The following PCBP2 variants were observed in gnomAD, a reference collection of about 807,000 sequenced individuals.
PCBP2 encodes poly(rC)-binding protein 2.
In PCBP2, 4 loss-of-function variants were observed where a neutral mutation model predicts 50.1. That is an observed-to-expected ratio of 0.08 (90% CI 0.04 to 0.18). The LOEUF is 0.18. Among genes scored for constraint, PCBP2 ranks in the 10% least tolerant of loss-of-function variants. PCBP2 has a pLI of 1.00. For synonymous variants in PCBP2, 179 were observed against 168.0 expected (o/e 1.07, Z -0.51); for missense variants, 161 against 474.3 (o/e 0.34, Z 6.14).
chr12:53,468,644 C>G, intron 12 of PCBP2, 133 bp from the exon 13 acceptor site: 1 of 722,840 alleles, frequency 1.4e-6, no homozygotes, highest in Non-Finnish European at 2.5e-6. Context: ...TTGGAGGCTT[C>G]CAAGTTAGTG....
At chr12:53,466,437 G>T (rs147681315) in intron 10 of PCBP2, among the ~76,000 whole-genome samples, 1 of 152,204 alleles carries the variant, frequency 6.6e-6, no homozygotes, top group Non-Finnish European at 1.5e-5. Context: ...GTTACACAGA[G>T]AGGGATAGGA....
intron 8 of PCBP2, 174 bp from the exon 9 acceptor site, chr12:53,464,586 A>T: frequency 2.4e-6 from 2 of 816,922 alleles, no homozygotes; most frequent in Non-Finnish European, 3.7e-6. Flanking sequence ...GAAATCTGCC[A>T]CTAGGTAACT....
intron 13 of PCBP2, among the ~76,000 whole-genome samples, chr12:53,469,573 G>C (rs1405197997): frequency 6.6e-6 from 1 of 151,734 alleles, no homozygotes; most frequent in Non-Finnish European, 1.5e-5. Context: ...TACAAAAAAA[G>C]CAAAAAGCCT....
At position 53,480,702 on chromosome 12, in the gene PCBP2, TGA is replaced by T. The variant is rs1942993649; in HGVS notation, c.*1262_*1263del. 1 of 152,304 alleles carries T rather than the reference TGA, an allele frequency of 6.6e-6. No homozygotes were observed. Among genetic ancestry groups the T allele is most frequent in the African/African-American group, 2.4e-5 (1 of 41,306 alleles). 9.4% of individuals were successfully genotyped at this position (152,304 alleles called of 1,614,324 possible). A position where few individuals can be genotyped will look rare whatever the true frequency, so the allele number is the denominator to read the frequency against. ...GAAGATAAATGGTGGGACAAAAAAA[TGA>T]GTTACATTGCCACCTGAGAAACCTC... On this transcript the variant is annotated 3_prime_UTR_variant, in exon 15 of 15. Transcript: ENST00000546463.
intron 4 of PCBP2, among the ~76,000 whole-genome samples, 166 bp downstream of exon 4, chr12:53,455,659 C>G (rs1262287687): frequency 2.7e-5 from 4 of 150,856 alleles, no homozygotes; most frequent in Admixed American, 6.6e-5. Flanking sequence ...TTTTTTTTCC[C>G]CTTTTTGGGA....
At chr12:53,455,827 C>T (rs555572560) in intron 4 of PCBP2, 58 bp from the exon 5 acceptor site, 3 of 1,139,082 alleles carry the variant, frequency 2.6e-6, no homozygotes, top group South Asian at 1.2e-5. Context: ...ACTGTAGATC[C>T]TGTACATACT....
At chr12:53,468,133 G>A (rs1207014746) in intron 12 of PCBP2, 2 of 331,704 alleles carry the variant, frequency 6.0e-6, no homozygotes, top group South Asian at 1.1e-4. Context: ...ACGGGTATTT[G>A]CTGATGGGAT....
At chr12:53,475,623 A>G (rs1763153935) in intron 14 of PCBP2, 1 of 166,126 alleles carries the variant, frequency 6.0e-6, no homozygotes. Flanking sequence ...TTGTGTTTCT[A>G]GCTGTAATAA....
chr12:53,475,404 G>A, intron 14 of PCBP2: 1 of 332,982 alleles, frequency 3.0e-6, no homozygotes, highest in South Asian at 2.3e-5. Context: ...CTGAGTGCCT[G>A]TTTCAGGGTC....
intron 7 of PCBP2, among the ~76,000 whole-genome samples, chr12:53,461,946 C>T (rs578161608): frequency 2.6e-4 from 40 of 152,174 alleles, no homozygotes; most frequent in African/African-American, 9.2e-4. Context: ...TGAGCTCAAG[C>T]CATCCACCCG....
chr12:53,455,617 G>T (rs184580478), intron 4 of PCBP2, 124 bp downstream of exon 4: 1 of 997,524 alleles, frequency 1.0e-6, no homozygotes, highest in Non-Finnish European at 1.5e-6. Context: ...TTTCGGCTTG[G>T]TTATTTGTAG....
chr12:53,457,118 C>T (rs915975264), intron 5 of PCBP2, among the ~76,000 whole-genome samples: 6 of 151,940 alleles, frequency 3.9e-5, no homozygotes, highest in African/African-American at 7.3e-5. Flanking sequence ...AGTGATATAC[C>T]TGTAGCTCTC....
intron 6 of PCBP2, 85 bp from the exon 7 acceptor site, chr12:53,460,930 G>A: frequency 6.9e-7 from 1 of 1,458,236 alleles, no homozygotes; most frequent in Non-Finnish European, 9.5e-7. Context: ...ATCTACTAGA[G>A]TTTTAGGCTC....
chr12:53,464,270 C>G (rs1262486643), intron 8 of PCBP2, among the ~76,000 whole-genome samples: 7 of 151,956 alleles, frequency 4.6e-5, no homozygotes, highest in Non-Finnish European at 1.0e-4. Context: ...TTTCCACTCC[C>G]CATCACACCT....
At chr12:53,477,656 ACT>A (rs1256741294) in intron 14 of PCBP2, among the ~76,000 whole-genome samples, 8 of 107,666 alleles carry the variant, frequency 7.4e-5, no homozygotes, top group South Asian at 3.5e-4. Context: ...ACAAAGCAAG[ACT>A]CTGTCTCAAA....
chr12:53,461,834 A>C (rs1941468350), intron 7 of PCBP2, among the ~76,000 whole-genome samples: 1 of 151,962 alleles, frequency 6.6e-6, no homozygotes, highest in African/African-American at 2.4e-5. Context: ...CTGTCTCCCC[A>C]GTAGCTTGGT....
chr12:53,465,323 C>A (rs1036557783), intron 9 of PCBP2, among the ~76,000 whole-genome samples: 16 of 152,020 alleles, frequency 1.1e-4, no homozygotes, highest in Admixed American at 2.0e-4. Flanking sequence ...ATAGTGGGAG[C>A]TGCAAATGCC....
chr12:53,465,955 T>C lies in PCBP2; in HGVS notation c.696T>C (p.Tyr232=). 6.2e-7 allele frequency: 1 copy of C among 1,614,016 alleles called. No homozygotes were observed. Among genetic ancestry groups the C allele is most frequent in the Non-Finnish European group, 8.5e-7 (1 of 1,179,854 alleles). ...PLEAYTIQGQ[Y]AIPQPDLTKL... Reference sequence around the variant, plus strand: ...AGGCCTATACCATTCAAGGACAGTATGCCATTCCACAGCCAGATGTAAGTT... The same window carrying C: ...AGGCCTATACCATTCAAGGACAGTACGCCATTCCACAGCCAGATGTAAGTT... Residue 232 remains tyrosine, a synonymous_variant, in exon 10 of 15, where the codon TAT becomes TAC. Coordinates refer to ENST00000546463, the MANE Select transcript of PCBP2 (RefSeq NM_031989.5).
intron 7 of PCBP2, among the ~76,000 whole-genome samples, chr12:53,462,143 A>C (rs547561808): frequency 1.3e-5 from 2 of 152,218 alleles, no homozygotes; most frequent in African/African-American, 4.8e-5. Context: ...TTTCCTATTC[A>C]GGCCAAAAAA....
Sources: allele counts gnomAD v4.1 joint callset (sites outside exome capture counted in the v4.1 genomes callset), GRCh38; gene constraint gnomAD v4.1.1; transcripts MANE v1.5; gene names NCBI Gene and HGNC (gene_info 2026-07-23, HGNC 2026-07-21).